The following ASAP1 variants were observed in gnomAD, a reference collection of about 807,000 sequenced individuals.
ASAP1 encodes the protein arf-GAP with SH3 domain, ANK repeat and PH domain-containing protein 1.
A neutral mutation model predicts 145.2 loss-of-function variants in ASAP1; 43 were observed. That is an observed-to-expected ratio of 0.30 (90% CI 0.23 to 0.38). The LOEUF (loss-of-function observed/expected upper bound fraction) is 0.38, where lower values mean the gene tolerates loss of function less well. ASAP1 is among the 10% of genes least tolerant of loss of function. ASAP1 has a pLI of 1.00. For synonymous variants in ASAP1, 546 were observed against 515.5 expected (o/e 1.06, Z -0.80); for missense variants, 1,018 against 1,355.3 (o/e 0.75, Z 3.91).
chr8:130,127,950 A>G lies in ASAP1; in HGVS notation c.1358T>C (p.Ile453Thr). 2 of 1,613,686 alleles carry G rather than the reference A, an allele frequency of 1.2e-6. No homozygotes were observed. Among genetic ancestry groups the G allele is most frequent in the Non-Finnish European group, 1.7e-6 (2 of 1,179,898 alleles). The change falls in exon 16 of 30, where the codon ATT becomes ACT. Residue 453 changes from isoleucine (I) to threonine (T), a missense_variant. Coordinates refer to ENST00000518721, the MANE Select transcript of ASAP1 (RefSeq NM_018482.4). The stretch of plus-strand genomic sequence containing the variant: ...ACCTGATGAGCCACAATCGCAGCAA[A>G]TGTCATTCCCTGGGAGCCGCTGGAC... ...EDVQRLPGND[I>T]CCDCGSSEPT...
rs764950309 is a variant in ASAP1, at chr8:130,128,658, A to G, written c.1218-568T>C. Among the ~76,000 whole-genome samples the G allele has an allele frequency of 3.3e-5, 5 of 152,230 alleles. No homozygotes were observed. In the East Asian group the frequency reaches 9.6e-4, roughly 29 times the overall value. ...ACATGGAAACATGATGACATTTATAATATTAAATGAAGACTGCAGATTTAC... is the reference window on the plus strand; with the variant it reads ...ACATGGAAACATGATGACATTTATAGTATTAAATGAAGACTGCAGATTTAC... On this transcript the variant is annotated intron_variant, in intron 15 of 29. Coordinates refer to ENST00000518721, the MANE Select transcript of ASAP1 (RefSeq NM_018482.4).
chr8:130,177,111 T>C (rs1814016380), intron 9 of ASAP1, among the ~76,000 whole-genome samples: 1 of 152,252 alleles, frequency 6.6e-6, no homozygotes, highest in African/African-American at 2.4e-5. Context: ...AGCCTTGCTT[T>C]ATCTCTGTCC....
chr8:130,280,733 T>C (rs552479036), intron 3 of ASAP1, among the ~76,000 whole-genome samples: 14 of 152,352 alleles, frequency 9.2e-5, no homozygotes, highest in South Asian at 2.1e-4. Context: ...CAATCAGTTA[T>C]TGGGGCTGGG....
intron 3 of ASAP1, among the ~76,000 whole-genome samples, chr8:130,324,338 G>T (rs1237778174): frequency 6.6e-6 from 1 of 152,206 alleles, no homozygotes; most frequent in Admixed American, 6.5e-5. Context: ...AGGTCTGGGA[G>T]TATGGCCGAA....
At chr8:130,281,795 G>A (rs1024901742) in intron 3 of ASAP1, among the ~76,000 whole-genome samples, 2 of 152,136 alleles carry the variant, frequency 1.3e-5, no homozygotes, top group Admixed American at 6.6e-5. Flanking sequence ...GGCTGGGCGC[G>A]GTGGCTCACG....
At chr8:130,282,047 C>T (rs1179847790) in intron 3 of ASAP1, among the ~76,000 whole-genome samples, 6 of 145,990 alleles carry the variant, frequency 4.1e-5, no homozygotes, top group African/African-American at 1.3e-4. Context: ...CCAGTCCAGG[C>T]GACAGTGCAA....
chr8:130,307,446 G>A (rs888733170), intron 3 of ASAP1, among the ~76,000 whole-genome samples: 4 of 152,238 alleles, frequency 2.6e-5, no homozygotes, highest in African/African-American at 7.2e-5. Flanking sequence ...TCTAAGCCAC[G>A]CCAAGTAGAC....
intron 3 of ASAP1, among the ~76,000 whole-genome samples, chr8:130,342,647 C>T (rs529229669): frequency 2.6e-5 from 4 of 152,254 alleles, no homozygotes; most frequent in South Asian, 2.1e-4. Flanking sequence ...AAACACAAAA[C>T]GTAACAAACT....
chr8:130,079,873 A>G (rs1212859205), intron 26 of ASAP1, 29 bp downstream of exon 26: 2 of 1,600,560 alleles, frequency 1.2e-6, no homozygotes, highest in South Asian at 1.1e-5. Context: ...TGGATCCAAC[A>G]GGGGAAATGA....
chr8:130,435,486 T>G (rs890860645), intron 1 of ASAP1, among the ~76,000 whole-genome samples: 10 of 152,234 alleles, frequency 6.6e-5, no homozygotes, highest in Non-Finnish European at 1.5e-4. Context: ...ACGCACTCAG[T>G]AAGTGCTTGC....
intron 17 of ASAP1, among the ~76,000 whole-genome samples, chr8:130,124,399 T>C (rs546040089): frequency 6.6e-6 from 1 of 152,314 alleles, no homozygotes; most frequent in South Asian, 2.1e-4. Context: ...ATGTGATAAA[T>C]GCTAGAACAG....
At chr8:130,235,067 GGTAAGGAAAT>G (rs1818134714) in intron 4 of ASAP1, among the ~76,000 whole-genome samples, 1 of 151,906 alleles carries the variant, frequency 6.6e-6, no homozygotes, top group African/African-American at 2.4e-5. Flanking sequence ...TTAAATTTAT[GGTAAGGAAAT>G]GTAAGACTCC....
At chr8:130,075,651 A>G (rs752399022) in intron 27 of ASAP1, among the ~76,000 whole-genome samples, 6 of 152,244 alleles carry the variant, frequency 3.9e-5, no homozygotes, top group East Asian at 1.9e-4. Context: ...TGGTAACAAC[A>G]ACGACAACAA....
intron 13 of ASAP1, among the ~76,000 whole-genome samples, chr8:130,147,293 G>C (rs2097634062): frequency 6.7e-6 from 1 of 150,094 alleles, no homozygotes; most frequent in Non-Finnish European, 1.5e-5. Flanking sequence ...AATACTAATA[G>C]CTGACATTTA....
In ASAP1 at chr8:130,258,182, C is replaced by CT. The variant is rs1463099478; in HGVS notation, c.187-21189dup. On this transcript the variant is annotated intron_variant, in intron 3 of 29. Transcript: ENST00000518721. ...CCAGTTTGCTGACACCTGGCCCCAG[C>CT]TCCATAATGGAAGACGTTAGGGCAC... 2.0e-4 allele frequency among the ~76,000 whole-genome samples: 30 copies of CT among 152,262 alleles called. 1 individual carries two copies. In the East Asian group the frequency reaches 5.6e-3, roughly 28 times the overall value.
chr8:130,171,711 C>T (rs1813606549), intron 9 of ASAP1, among the ~76,000 whole-genome samples: 1 of 152,188 alleles, frequency 6.6e-6, no homozygotes, highest in African/African-American at 2.4e-5. Flanking sequence ...ATTCTCTAGA[C>T]CTGATAGTCA....
chr8:130,419,126 G>A (rs1829611493), intron 1 of ASAP1, among the ~76,000 whole-genome samples: 1 of 152,130 alleles, frequency 6.6e-6, no homozygotes, highest in Admixed American at 6.5e-5. Flanking sequence ...AGTGTGTGGT[G>A]GAGCAGAAAA....
intron 3 of ASAP1, among the ~76,000 whole-genome samples, chr8:130,256,761 A>ATATATATATATATATATCCT (rs1819581164): frequency 1.0e-5 from 1 of 98,154 alleles, no homozygotes; most frequent in African/African-American, 3.5e-5. Flanking sequence ...ATATATATAT[A>ATATATATATATATATATCCT]TATATATATA....
At chr8:130,071,898 T>C (rs2097447408) in intron 27 of ASAP1, among the ~76,000 whole-genome samples, 1 of 152,206 alleles carries the variant, frequency 6.6e-6, no homozygotes, top group Non-Finnish European at 1.5e-5. Flanking sequence ...TAGGCTGTGG[T>C]GCTATGATAT....
Sources: allele counts gnomAD v4.1 joint callset (sites outside exome capture counted in the v4.1 genomes callset), GRCh38; gene constraint gnomAD v4.1.1; transcripts MANE v1.5; gene names NCBI Gene and HGNC (gene_info 2026-07-23, HGNC 2026-07-21).